The following SIRT1 variants were observed in gnomAD, a reference collection of about 807,000 sequenced individuals.
SIRT1 encodes sirtuin 1, also known as NAD-dependent protein deacetylase sirtuin-1.
A neutral mutation model predicts 67.9 loss-of-function variants in SIRT1; 24 were observed. The ratio of observed to expected loss-of-function variants is 0.35; its 90% confidence interval spans 0.26 to 0.50. SIRT1 has a LOEUF of 0.50. SIRT1 is among the 20% of genes least tolerant of loss of function. SIRT1 has a pLI of 0.98. For synonymous variants in SIRT1, 378 were observed against 350.7 expected (o/e 1.08, Z -0.87); for missense variants, 873 against 937.2 (o/e 0.93, Z 0.89).
chr10:67,906,104 T>C, intron 4 of SIRT1: 1 of 1,267,152 alleles, frequency 7.9e-7, no homozygotes. Context: ...AGGACCAAAA[T>C]TGATACTTTT....
At position 67,916,820 on chromosome 10, in the gene SIRT1, A is replaced by G. The variant is rs1320322039; in HGVS notation, c.*227A>G. ...TTTTTTTTAAAAAAAAAAAGGTACT[A>G]AGTATCTTCAATCAGCTGTTGGTCA... On this transcript the variant is annotated 3_prime_UTR_variant, in exon 9 of 9. Transcript: ENST00000212015. 2 of 282,284 alleles carry G rather than the reference A, an allele frequency of 7.1e-6. No homozygotes were observed. Among genetic ancestry groups the G allele is most frequent in the African/African-American group, 2.1e-5 (1 of 46,878 alleles). The allele number at this position is 282,284 out of a possible 1,614,324, so 17.5% of individuals were successfully genotyped here.
intron 4 of SIRT1, among the ~76,000 whole-genome samples, chr10:67,898,275 A>C (rs1842690409): frequency 6.7e-6 from 1 of 149,582 alleles, no homozygotes; most frequent in Admixed American, 6.6e-5. Flanking sequence ...AAAAAAAAAG[A>C]AAAGAAAAAA....
chr10:67,885,620 CT>C (rs1190608510), intron 1 of SIRT1, among the ~76,000 whole-genome samples: 1 of 151,668 alleles, frequency 6.6e-6, no homozygotes. Flanking sequence ...GTGCAGTTTG[CT>C]TTTTTTGGTC....
At position 67,912,517 on chromosome 10, in the gene SIRT1, A is replaced by T; in HGVS notation, c.1401A>T (p.Glu467Asp). Reference protein sequence around the residue: ...HEVPQILINREPLPHLHFDVE... With the variant: ...HEVPQILINRDPLPHLHFDVE... ...TGCCTCAGATATTAATTAATAGAGAACCTTTGCCTCATCTGCATTTTGATG... is the reference window on the plus strand; with the variant it reads ...TGCCTCAGATATTAATTAATAGAGATCCTTTGCCTCATCTGCATTTTGATG... Residue 467 changes from glutamate to aspartate, a missense_variant, in exon 8 of 9, where the codon GAA becomes GAT. By Grantham distance (45) the Glu-to-Asp change is conservative. This residue lies in a region of SIRT1 where 251 missense variants were observed against 358.8 expected (regional missense o/e 0.70). Transcript: ENST00000212015. 1 of 1,613,712 alleles carries T rather than the reference A, an allele frequency of 6.2e-7. No individual in the cohort carries two copies.
At chr10:67,891,684 T>G in intron 4 of SIRT1, 130 bp downstream of exon 4, 3 of 846,308 alleles carry the variant, frequency 3.5e-6, no homozygotes, top group East Asian at 5.0e-5. Flanking sequence ...CGGAGTAAGA[T>G]CACTCATTAT....
At chr10:67,894,413 A>G (rs186106832) in intron 4 of SIRT1, among the ~76,000 whole-genome samples, 49 of 152,288 alleles carry the variant, frequency 3.2e-4, no homozygotes, top group African/African-American at 1.2e-3. Flanking sequence ...GTGAAGATTT[A>G]CTGTTTTAAC....
At chr10:67,899,601 T>A (rs1842710543) in intron 4 of SIRT1, among the ~76,000 whole-genome samples, 1 of 152,014 alleles carries the variant, frequency 6.6e-6, no homozygotes, top group Non-Finnish European at 1.5e-5. Context: ...TTTTCTATCT[T>A]TTTTCACCAT....
Position 67,906,873 on chromosome 10 carries a change from C to T in SIRT1, c.1026C>T (p.Asn342=). Residue 342 remains asparagine (N), a synonymous_variant, in exon 5 of 9, where the codon AAC becomes AAT. Transcript: ENST00000212015. Reference sequence around the variant, plus strand: ...ATAAGGAAGGAAAACTACTTCGCAACTATACCCAGAACATAGACACGCTGG... The same window carrying T: ...ATAAGGAAGGAAAACTACTTCGCAATTATACCCAGAACATAGACACGCTGG... ...LSDKEGKLLR[N]YTQNIDTLEQ... 1 of 1,613,174 alleles carries T rather than the reference C, an allele frequency of 6.2e-7. No homozygotes were observed. The highest frequency in any genetic ancestry group is 8.5e-7 in the Non-Finnish European group (1 of 1,179,630).
Position 67,884,859 on chromosome 10 carries a change from G to C in SIRT1, c.138G>C (p.Arg46=). The C allele has an allele frequency of 8.2e-7, 1 of 1,217,058 alleles. No homozygotes were observed. Among genetic ancestry groups the C allele is most frequent in the Non-Finnish European group, 1.0e-6 (1 of 978,512 alleles). The allele number at this position is 1,217,058 out of a possible 1,614,324, so 75.4% of individuals were successfully genotyped here. A position where few individuals can be genotyped will look rare whatever the true frequency, so the allele number is the denominator to read the frequency against. Residue 46 remains arginine (R), a synonymous_variant, in exon 1 of 9, where the codon CGG becomes CGC. Transcript: ENST00000212015. ...RPRRDGPGLE[R]SPGEPGGAAP... The stretch of plus-strand genomic sequence containing the variant: ...GGAGAGATGGTCCCGGCCTCGAGCG[G>C]AGCCCGGGCGAGCCCGGTGGGGCGG...
At chr10:67,906,454 GA>G (rs894743793) in intron 4 of SIRT1, among the ~76,000 whole-genome samples, 1 of 151,336 alleles carries the variant, frequency 6.6e-6, no homozygotes, top group African/African-American at 2.4e-5. Context: ...TTTCTTTAAA[GA>G]AAAAAATCTG....
In SIRT1 at chr10:67,912,929, T is replaced by TCTAGTA; in HGVS notation, c.1816_1821dup (p.Ser606_Thr607dup). On this transcript the variant is annotated inframe_insertion, in exon 8 of 9. Coordinates refer to ENST00000212015, the MANE Select transcript of SIRT1 (RefSeq NM_012238.5). ...AAATCCGGATTTGAAGAATGTTGGTTCTAGTACTGGGGAGAAAAATGAAAG... is the reference window on the plus strand; with the variant it reads ...AAATCCGGATTTGAAGAATGTTGGTTCTAGTACTAGTACTGGGGAGAAAAATGAAAG... The TCTAGTA allele has an allele frequency of 1.2e-6, 2 of 1,614,044 alleles. No individual in the cohort carries two copies. Among genetic ancestry groups the TCTAGTA allele is most frequent in the Non-Finnish European group, 1.7e-6 (2 of 1,179,982 alleles).
chr10:67,908,245 T>G, intron 6 of SIRT1, 120 bp downstream of exon 6: 1 of 795,708 alleles, frequency 1.3e-6, no homozygotes, highest in East Asian at 2.8e-5. Context: ...AGGAAGAAAA[T>G]AGTTAGCATT....
chr10:67,906,645 C>A, intron 4 of SIRT1, 145 bp from the exon 5 acceptor site: 1 of 787,828 alleles, frequency 1.3e-6, no homozygotes, highest in Non-Finnish European at 2.0e-6. Flanking sequence ...AGGTGTGTGT[C>A]GCATCCATCT....
Position 67,891,444 on chromosome 10 carries a change from G to T in SIRT1, c.832G>T (p.Gly278Cys). Reference protein sequence around the residue: ...CGIPDFRSRDGIYARLAVDFP... With the variant: ...CGIPDFRSRDCIYARLAVDFP... Reference sequence around the variant, plus strand: ...AATACCTGACTTCAGGTCAAGGGATGGTATTTATGCTCGCCTTGCTGTAGA... The same window carrying T: ...AATACCTGACTTCAGGTCAAGGGATTGTATTTATGCTCGCCTTGCTGTAGA... The change falls in exon 4 of 9, where the codon GGT (glycine) becomes TGT (cysteine). Residue 278 changes from glycine to cysteine, a missense_variant. This residue lies in a region of SIRT1 where 251 missense variants were observed against 358.8 expected (regional missense o/e 0.70). Transcript: ENST00000212015. 6.2e-7 allele frequency: 1 copy of T among 1,614,070 alleles called. No homozygotes were observed. Among genetic ancestry groups the T allele is most frequent in the Non-Finnish European group, 8.5e-7 (1 of 1,179,984 alleles).
rs528521833 is a variant in SIRT1, at chr10:67,890,682, A to G, written c.790-720A>G. 2.0e-5 allele frequency among the ~76,000 whole-genome samples: 3 copies of G among 152,120 alleles called. No individual in the cohort carries two copies. The East Asian group carries it at 5.8e-4, about 30-fold the overall frequency. The stretch of plus-strand genomic sequence containing the variant: ...GGAAAGGTTAAGGCCATAATGAGCC[A>G]TGATGGCACCACTGCACTCCAGCCT... On this transcript the variant is annotated intron_variant, in intron 3 of 8. Coordinates refer to ENST00000212015, the MANE Select transcript of SIRT1 (RefSeq NM_012238.5).
intron 3 of SIRT1, among the ~76,000 whole-genome samples, chr10:67,890,316 A>T (rs1222412668): frequency 6.6e-6 from 1 of 151,670 alleles, no homozygotes; most frequent in East Asian, 1.9e-4. Context: ...GGCCTCCCAA[A>T]GTGCCAGGAT....
intron 2 of SIRT1, 34 bp downstream of exon 2, chr10:67,887,567 A>G (rs768430915): frequency 1.4e-6 from 2 of 1,435,422 alleles, no homozygotes; most frequent in Non-Finnish European, 2.0e-6. Context: ...TAGAGAGTAA[A>G]TGTACGGTTT....
chr10:67,907,095 TAAAAAC>T (rs1431189259), intron 5 of SIRT1, among the ~76,000 whole-genome samples, 158 bp downstream of exon 5: 1 of 152,084 alleles, frequency 6.6e-6, no homozygotes. Context: ...ACAAAAATAA[TAAAAAC>T]AGAAGTATTG....
intron 2 of SIRT1, 36 bp from the exon 3 acceptor site, chr10:67,888,846 A>G (rs373356286): frequency 1.9e-6 from 3 of 1,557,590 alleles, no homozygotes; most frequent in East Asian, 2.3e-5. Context: ...GAATTACTTG[A>G]TAAGTTGACT....
Sources: gnomAD v4.1 joint callset for allele counts (sites outside exome capture counted in the v4.1 genomes callset) on GRCh38, gnomAD v4.1.1 for gene constraint, gnomAD v4.1.1 regional missense constraint, MANE v1.5 for transcripts, NCBI Gene and HGNC (gene_info 2026-07-23, HGNC 2026-07-21) for gene names.